GFRA1: variants seen among roughly 807,000 people sequenced by gnomAD.
GFRA1 encodes the protein GDNF family receptor alpha-1.
Under a neutral mutation model 51.6 loss-of-function variants are expected in GFRA1, and 16 were observed. The observed-to-expected ratio is 0.31, with a 90% CI of 0.21 to 0.47. The LOEUF is 0.47. Ranked by LOEUF, GFRA1 falls within the 20% of genes least tolerant of loss-of-function variation. The pLI is 1.00. For synonymous variants in GFRA1, 270 were observed against 241.3 expected (o/e 1.12, Z -1.10); for missense variants, 530 against 594.3 (o/e 0.89, Z 1.13).
At chr10:116,099,990 A>G (rs1956754679) in intron 6 of GFRA1, among the ~76,000 whole-genome samples, 1 of 152,236 alleles carries the variant, frequency 6.6e-6, no homozygotes, top group South Asian at 2.1e-4. Context: ...CTAGAATAAA[A>G]GAGTCAGTAG....
chr10:116,266,392 T>C (rs544779631), intron 4 of GFRA1, among the ~76,000 whole-genome samples: 1 of 152,342 alleles, frequency 6.6e-6, no homozygotes, highest in East Asian at 1.9e-4. Context: ...AAAAGCAACA[T>C]TTATCATCCT....
At chr10:116,072,572 C>T (rs1020960011) in intron 9 of GFRA1, among the ~76,000 whole-genome samples, 36 of 152,016 alleles carry the variant, frequency 2.4e-4, no homozygotes, top group African/African-American at 8.5e-4. Flanking sequence ...CCAGCCTAGC[C>T]AGCATGGTGA....
intron 5 of GFRA1, among the ~76,000 whole-genome samples, chr10:116,209,952 C>A (rs1427288643): frequency 6.6e-6 from 1 of 152,064 alleles, no homozygotes; most frequent in African/African-American, 2.4e-5. Flanking sequence ...CCGAGTAATA[C>A]CTTATAAGGG....
At chr10:116,128,920 G>T (rs1957988606) in intron 5 of GFRA1, among the ~76,000 whole-genome samples, 1 of 152,000 alleles carries the variant, frequency 6.6e-6, no homozygotes, top group South Asian at 2.1e-4. Context: ...TAAACCAATT[G>T]CTCAAAGTTT....
At chr10:116,165,203 C>T (rs1364150648) in intron 5 of GFRA1, among the ~76,000 whole-genome samples, 1 of 152,148 alleles carries the variant, frequency 6.6e-6, no homozygotes, top group Non-Finnish European at 1.5e-5. Flanking sequence ...TTTAACACGT[C>T]CTAGTCCCCA....
At chr10:116,194,971 G>C (rs983507505) in intron 5 of GFRA1, among the ~76,000 whole-genome samples, 2 of 152,192 alleles carry the variant, frequency 1.3e-5, no homozygotes, top group Admixed American at 6.5e-5. Context: ...TATCGTGCAG[G>C]CCATACAGTC....
intron 9 of GFRA1, among the ~76,000 whole-genome samples, chr10:116,067,297 T>C (rs1235022717): frequency 6.6e-6 from 1 of 152,224 alleles, no homozygotes; most frequent in Non-Finnish European, 1.5e-5. Context: ...GATACCAAAA[T>C]GGCCCTAAAA....
chr10:116,171,364 C>T (rs527735255), intron 5 of GFRA1, among the ~76,000 whole-genome samples: 1 of 152,272 alleles, frequency 6.6e-6, no homozygotes, highest in South Asian at 2.1e-4. Flanking sequence ...CTCGGAGCAA[C>T]TGTACCAAAG....
intron 4 of GFRA1, among the ~76,000 whole-genome samples, chr10:116,223,107 T>C (rs1966039680): frequency 1.3e-5 from 2 of 152,240 alleles, no homozygotes; most frequent in South Asian, 4.2e-4. Flanking sequence ...CTTGCCTGGA[T>C]TCTAAAACTC....
At chr10:116,119,600 C>T (rs1957561769) in intron 6 of GFRA1, among the ~76,000 whole-genome samples, 1 of 152,124 alleles carries the variant, frequency 6.6e-6, no homozygotes, top group African/African-American at 2.4e-5. Context: ...ATCCTCTGAG[C>T]CATTTTCTCC....
intron 5 of GFRA1, among the ~76,000 whole-genome samples, chr10:116,133,696 G>C (rs1958200576): frequency 6.6e-6 from 1 of 152,220 alleles, no homozygotes; most frequent in Admixed American, 6.5e-5. Context: ...TAAAACCCCA[G>C]CCAGAGGGTC....
chr10:116,228,589 G>T (rs1434865317), intron 4 of GFRA1, among the ~76,000 whole-genome samples: 1 of 152,138 alleles, frequency 6.6e-6, no homozygotes, highest in African/African-American at 2.4e-5. Flanking sequence ...AATCCCTAAA[G>T]TTGGATAATC....
intron 4 of GFRA1, among the ~76,000 whole-genome samples, chr10:116,223,800 C>A (rs1308098732): frequency 6.6e-6 from 1 of 152,178 alleles, no homozygotes; most frequent in Non-Finnish European, 1.5e-5. Context: ...TGTATGATAT[C>A]ATTCACTGAC....
chr10:116,093,841 A>C lies in GFRA1; in HGVS notation c.881-5T>G. 2 of 1,613,998 alleles carry C rather than the reference A, an allele frequency of 1.2e-6. No individual in the cohort carries two copies. Among genetic ancestry groups the C allele is most frequent in the East Asian group, 2.2e-5 (1 of 44,884 alleles). ...AGTTGGGGGTCATGACTGTGCCTAAAAGAATAAAAACAAGGCATTTTATTG... is the reference window on the plus strand; with the variant it reads ...AGTTGGGGGTCATGACTGTGCCTAACAGAATAAAAACAAGGCATTTTATTG... On this transcript the variant is annotated splice_polypyrimidine_tract_variant and splice_region_variant and intron_variant, in intron 7 of 10. Coordinates refer to ENST00000355422, the MANE Select transcript of GFRA1 (RefSeq NM_005264.8).
chr10:116,137,946 T>C (rs937003556), intron 5 of GFRA1, among the ~76,000 whole-genome samples: 4 of 151,994 alleles, frequency 2.6e-5, no homozygotes, highest in African/African-American at 9.7e-5. Flanking sequence ...GGATTACGGA[T>C]GCCCAACACT....
intron 5 of GFRA1, among the ~76,000 whole-genome samples, chr10:116,192,112 T>C (rs1963323210): frequency 6.6e-6 from 1 of 152,236 alleles, no homozygotes; most frequent in South Asian, 2.1e-4. Flanking sequence ...TCCTTGTCTG[T>C]GACTTAAGAA....
At chr10:116,161,128 C>T (rs1215289191) in intron 5 of GFRA1, among the ~76,000 whole-genome samples, 2 of 152,114 alleles carry the variant, frequency 1.3e-5, no homozygotes, top group Non-Finnish European at 2.9e-5. Context: ...AGCCCTGGTG[C>T]TGGGCTTCAT....
intron 5 of GFRA1, among the ~76,000 whole-genome samples, chr10:116,135,731 A>T (rs1958295134): frequency 6.6e-6 from 1 of 152,206 alleles, no homozygotes; most frequent in Non-Finnish European, 1.5e-5. Flanking sequence ...GACATGTGCA[A>T]ATGGTGATGC....
chr10:116,147,302 C>T (rs1253637547), intron 5 of GFRA1, among the ~76,000 whole-genome samples: 1 of 152,086 alleles, frequency 6.6e-6, no homozygotes, highest in Admixed American at 6.6e-5. Context: ...CCCTTTGGCC[C>T]TAGGGGGAGG....
Sources: gnomAD v4.1 joint callset for allele counts (sites outside exome capture counted in the v4.1 genomes callset) on GRCh38, gnomAD v4.1.1 for gene constraint, MANE v1.5 for transcripts, NCBI Gene and HGNC (gene_info 2026-07-23, HGNC 2026-07-21) for gene names.